The following PARM1 variants were observed in gnomAD, a reference collection of about 807,000 sequenced individuals.
PARM1 encodes the protein WSC4, cell wall integrity and stress response component 4 homolog.
Under a neutral mutation model 24.6 loss-of-function variants are expected in PARM1, and 14 were observed. The ratio of observed to expected loss-of-function variants is 0.57; its 90% CI spans 0.38 to 0.89. The LOEUF (loss-of-function observed/expected upper bound fraction) is 0.89, where lower values mean the gene tolerates loss of function less well. PARM1 is among the 40% of genes least tolerant of loss of function. The pLI, the probability that PARM1 is intolerant of heterozygous loss-of-function variation, is 0.00. For missense variants in PARM1, 362 were observed against 380.4 expected, an observed-to-expected ratio of 0.95 and a Z score of 0.40; for synonymous variants, 179 against 156.6, an observed-to-expected ratio of 1.14 and a Z score of -1.07.
At position 75,008,180 on chromosome 4, in the gene PARM1, C is replaced by T. The variant is rs947215863; in HGVS notation, c.44-4245C>T. Among the ~76,000 whole-genome samples, 69 of 152,300 alleles carry T rather than the reference C, an allele frequency of 4.5e-4. 2 individuals are homozygous for T. The highest frequency in any genetic ancestry group is 3.4e-3 in the Middle Eastern group (1 of 294). On this transcript the variant is annotated intron_variant, in intron 1 of 3. Coordinates refer to ENST00000307428, the MANE Select transcript of PARM1 (RefSeq NM_015393.4). ...GGCAAAGCAGAGGCTTCTAAAGCCT[C>T]ATTCAAATGAAGATAACCAACATTG...
chr4:74,955,680 G>A (rs1216320005), intron 1 of PARM1, among the ~76,000 whole-genome samples: 1 of 152,088 alleles, frequency 6.6e-6, no homozygotes, highest in African/African-American at 2.4e-5. Context: ...CCAACACGTC[G>A]ATCACTCTTG....
At chr4:75,015,099 C>T (rs913193680) in intron 2 of PARM1, among the ~76,000 whole-genome samples, 2 of 152,192 alleles carry the variant, frequency 1.3e-5, no homozygotes, top group Admixed American at 6.5e-5. Flanking sequence ...CTTTCTGTCC[C>T]CTTCAGGATA....
At chr4:74,985,170 G>C (rs989486845) in intron 1 of PARM1, among the ~76,000 whole-genome samples, 1 of 152,218 alleles carries the variant, frequency 6.6e-6, no homozygotes, top group Non-Finnish European at 1.5e-5. Context: ...CCAGGTGGCA[G>C]CTATGCGGGC....
intron 1 of PARM1, chr4:74,993,999 T>C (rs1447414980): frequency 6.6e-6 from 1 of 152,136 alleles, no homozygotes; most frequent in Non-Finnish European, 1.5e-5. Context: ...GGTGTAATTA[T>C]TACAAAAGAC....
At chr4:74,992,437 A>T (rs1722496399) in intron 1 of PARM1, among the ~76,000 whole-genome samples, 1 of 152,138 alleles carries the variant, frequency 6.6e-6, no homozygotes, top group Non-Finnish European at 1.5e-5. Flanking sequence ...TGAAGACCTA[A>T]CGGCTTACAT....
intron 1 of PARM1, among the ~76,000 whole-genome samples, chr4:74,945,976 T>C (rs1721404211): frequency 6.6e-6 from 1 of 152,216 alleles, no homozygotes; most frequent in Non-Finnish European, 1.5e-5. Context: ...AGGGGTGATC[T>C]AGGCCAACCT....
chr4:74,951,651 T>C (rs2109984961), intron 1 of PARM1, among the ~76,000 whole-genome samples: 1 of 152,262 alleles, frequency 6.6e-6, no homozygotes, highest in South Asian at 2.1e-4. Flanking sequence ...GTGTTCTTAT[T>C]GTTCAACTCC....
At position 74,988,491 on chromosome 4, in the gene PARM1, A is replaced by T. The variant is rs572209076; in HGVS notation, c.44-23934A>T. On this transcript the variant is annotated intron_variant, in intron 1 of 3. Coordinates refer to ENST00000307428, the MANE Select transcript of PARM1 (RefSeq NM_015393.4). ...GAGATAAGAGAGACATGGGAAGATG[A>T]CCATAACTCAGTAAACTCTGTAGCG... Among the ~76,000 whole-genome samples, 46 of 152,276 alleles carry T rather than the reference A, an allele frequency of 3.0e-4. No individual in the cohort carries two copies. The South Asian group carries it at 8.5e-3, about 28-fold the overall frequency.
chr4:74,986,445 C>G (rs1405977655), intron 1 of PARM1, among the ~76,000 whole-genome samples: 1 of 152,162 alleles, frequency 6.6e-6, no homozygotes, highest in African/African-American at 2.4e-5. Context: ...AGACATATTC[C>G]TCCACACCCT....
At chr4:75,017,241 G>A (rs773065864) in intron 2 of PARM1, among the ~76,000 whole-genome samples, 32 of 152,150 alleles carry the variant, frequency 2.1e-4, no homozygotes, top group East Asian at 5.8e-4. Flanking sequence ...CTATCCATCC[G>A]CTCTCACATT....
At chr4:74,960,258 A>C (rs554123596) in intron 1 of PARM1, among the ~76,000 whole-genome samples, 1 of 152,206 alleles carries the variant, frequency 6.6e-6, no homozygotes, top group Non-Finnish European at 1.5e-5. Context: ...AGCAAGTTCC[A>C]AAAGATCTAA....
At chr4:74,983,800 A>G (rs535537812) in intron 1 of PARM1, among the ~76,000 whole-genome samples, 128 of 152,194 alleles carry the variant, frequency 8.4e-4, no homozygotes, top group Admixed American at 3.0e-3. Context: ...CAGTTTAGCA[A>G]TCCTTCAAAA....
At chr4:75,031,418 GGACATGGAAGGGT>G (rs1723275564) in intron 2 of PARM1, among the ~76,000 whole-genome samples, 1 of 152,056 alleles carries the variant, frequency 6.6e-6, no homozygotes, top group Non-Finnish European at 1.5e-5. Flanking sequence ...TATCTTCTGT[GGACATGGAAGGGT>G]GACATGGAAG....
At chr4:74,998,773 T>A (rs1722621720) in intron 1 of PARM1, among the ~76,000 whole-genome samples, 1 of 152,232 alleles carries the variant, frequency 6.6e-6, no homozygotes, top group Non-Finnish European at 1.5e-5. Flanking sequence ...TAGCCCCCTT[T>A]CTTTATTCAG....
chr4:74,984,795 G>A (rs1722319065), intron 1 of PARM1, among the ~76,000 whole-genome samples: 1 of 152,196 alleles, frequency 6.6e-6, no homozygotes, highest in South Asian at 2.1e-4. Flanking sequence ...TGTTCAACCT[G>A]TGAATTAAAC....
intron 1 of PARM1, among the ~76,000 whole-genome samples, chr4:74,936,265 A>T (rs1434479232): frequency 6.6e-6 from 1 of 152,144 alleles, no homozygotes; most frequent in Non-Finnish European, 1.5e-5. Flanking sequence ...GATAAGGCAT[A>T]TTGGAGTACT....
At chr4:74,986,675 G>A (rs1722361613) in intron 1 of PARM1, among the ~76,000 whole-genome samples, 1 of 152,166 alleles carries the variant, frequency 6.6e-6, no homozygotes, top group Non-Finnish European at 1.5e-5. Flanking sequence ...GGTCGGGGCT[G>A]TTGCAGGGGA....
chr4:74,989,716 C>T (rs185377268), intron 1 of PARM1, among the ~76,000 whole-genome samples: 130 of 152,206 alleles, frequency 8.5e-4, no homozygotes, highest in African/African-American at 2.9e-3. Context: ...TCTAATCCTG[C>T]CTTGGTCTTT....
Position 75,031,792 on chromosome 4 carries a change from C to T in PARM1, c.770-2091C>T, listed in dbSNP as rs140784823. On this transcript the variant is annotated intron_variant, in intron 2 of 3. Transcript: ENST00000307428. ...AAAAGGAGAAATTAAATTAAAAGGT[C>T]AGTTTTTTACACTGCTCTTAATTGC... 2.6e-5 allele frequency among the ~76,000 whole-genome samples: 4 copies of T among 152,284 alleles called. No individual in the cohort carries two copies. The East Asian group carries it at 7.7e-4, about 29-fold the overall frequency.
Sources: allele counts gnomAD v4.1 joint callset (sites outside exome capture counted in the v4.1 genomes callset), GRCh38; gene constraint gnomAD v4.1.1; transcripts MANE v1.5; gene names NCBI Gene and HGNC (gene_info 2026-07-23, HGNC 2026-07-21).